The following ABCC1 variants were observed in gnomAD, a reference collection of about 807,000 sequenced individuals.
ABCC1 encodes multidrug resistance-associated protein 1.
A neutral mutation model predicts 172.9 loss-of-function variants in ABCC1; 83 were observed. That is an observed-to-expected ratio of 0.48 (90% CI 0.40 to 0.58). The LOEUF is 0.58. Ranked by LOEUF, ABCC1 falls within the 20% of genes least tolerant of loss-of-function variation. The probability of loss-of-function intolerance (pLI) is 0.00; values close to 1 mark genes in which losing one functional copy is unlikely to be tolerated. For synonymous variants in ABCC1, 937 were observed against 825.2 expected (o/e 1.14, Z -2.32); for missense variants, 1,817 against 2,002.7 (o/e 0.91, Z 1.77).
intron 1 of ABCC1, among the ~76,000 whole-genome samples, chr16:15,994,432 G>C (rs1033903614): frequency 3.3e-5 from 5 of 152,146 alleles, no homozygotes; most frequent in Non-Finnish European, 5.9e-5. Context: ...TGACTTTGTA[G>C]GGCTGTTGGA....
At chr16:15,992,664 G>A (rs1230744583) in intron 1 of ABCC1, among the ~76,000 whole-genome samples, 1 of 152,196 alleles carries the variant, frequency 6.6e-6, no homozygotes, top group Admixed American at 6.5e-5. Flanking sequence ...GCCTCCCAAA[G>A]TGCTGGGATT....
At chr16:16,099,352 G>T (rs933681496) in intron 19 of ABCC1, among the ~76,000 whole-genome samples, 1 of 152,236 alleles carries the variant, frequency 6.6e-6, no homozygotes, top group African/African-American at 2.4e-5. Flanking sequence ...TGCAGCAGGT[G>T]GTGGTGGGGA....
intron 1 of ABCC1, among the ~76,000 whole-genome samples, chr16:16,004,512 G>A (rs1029458933): frequency 1.3e-5 from 2 of 152,048 alleles, no homozygotes; most frequent in African/African-American, 2.4e-5. Context: ...GAGATGTCAT[G>A]CCTTCTCCAC....
chr16:16,104,398 C>A (rs540711921), intron 20 of ABCC1, among the ~76,000 whole-genome samples: 3 of 152,110 alleles, frequency 2.0e-5, no homozygotes, highest in Admixed American at 6.5e-5. Context: ...GAGCTAGATA[C>A]GTAAGTTCCC....
chr16:16,066,768 G>C (rs1040545622), intron 12 of ABCC1, among the ~76,000 whole-genome samples: 1 of 151,920 alleles, frequency 6.6e-6, no homozygotes, highest in Non-Finnish European at 1.5e-5. Context: ...GCTGGGCATG[G>C]TGGTGGGCGC....
Position 16,073,055 on chromosome 16 carries a change from A to AAAT in ABCC1, c.1912+1338_1912+1340dup, listed in dbSNP as rs1555493563. ...GACTTCATCTCAAAAAAAAAAAAAA[A>AAAT]AATAATAATAATAAATATTAATGGC... On this transcript the variant is annotated intron_variant, in intron 14 of 30. Coordinates refer to ENST00000399410, the MANE Select transcript of ABCC1 (RefSeq NM_004996.4). Among the ~76,000 whole-genome samples, 149 of 143,826 alleles carry AAAT rather than the reference A, an allele frequency of 1.0e-3. 4 individuals are homozygous for AAAT. The highest frequency in any genetic ancestry group is 1.6e-3 in the East Asian group (8 of 4,908). The allele number at this position is 143,826 out of a possible 152,430, so 94.4% of individuals were successfully genotyped here. A position where few individuals can be genotyped will look rare whatever the true frequency, so the allele number is the denominator to read the frequency against.
chr16:16,112,248 G>C (rs2044649179), intron 22 of ABCC1, among the ~76,000 whole-genome samples: 1 of 152,018 alleles, frequency 6.6e-6, no homozygotes, highest in Middle Eastern at 3.2e-3. Flanking sequence ...TGTGGTCTCA[G>C]CTACTTGGGC....
At chr16:16,103,978 C>G (rs753254993) in intron 20 of ABCC1, among the ~76,000 whole-genome samples, 1 of 152,068 alleles carries the variant, frequency 6.6e-6, no homozygotes, top group African/African-American at 2.4e-5. Flanking sequence ...TTCGTGGTCT[C>G]GCTGGCCTCA....
intron 3 of ABCC1, 86 bp from the exon 4 acceptor site, chr16:16,014,405 C>G: frequency 6.8e-7 from 1 of 1,479,742 alleles, no homozygotes; most frequent in Non-Finnish European, 9.1e-7. Context: ...TGAGATTGCA[C>G]CACTGCGCTC....
At chr16:16,106,695 A>G (rs759161415) in intron 20 of ABCC1, 43 bp from the exon 21 acceptor site, 5 of 1,612,204 alleles carry the variant, frequency 3.1e-6, no homozygotes, top group South Asian at 1.1e-5. Flanking sequence ...GACCCTGCCC[A>G]AGGCATCTGT....
At chr16:15,972,308 A>C (rs1325295627) in intron 1 of ABCC1, among the ~76,000 whole-genome samples, 2 of 152,304 alleles carry the variant, frequency 1.3e-5, no homozygotes, top group Middle Eastern at 3.4e-3. Flanking sequence ...TTAGGATTGC[A>C]TCTGGCTTCA....
At chr16:16,105,714 C>CTTTTTTT (rs71137912) in intron 20 of ABCC1, among the ~76,000 whole-genome samples, 6 of 130,390 alleles carry the variant, frequency 4.6e-5, no homozygotes, top group Non-Finnish European at 8.0e-5. Context: ...CTTTTCTTTT[C>CTTTTTTT]TTTTTTTTTT....
intron 5 of ABCC1, among the ~76,000 whole-genome samples, chr16:16,022,140 C>T (rs145501460): frequency 2.6e-5 from 4 of 152,306 alleles, no homozygotes; most frequent in African/African-American, 7.2e-5. Context: ...AGGCCTGGGG[C>T]GGCTGGGGTC....
At chr16:15,953,018 G>T (rs969725593) in intron 1 of ABCC1, among the ~76,000 whole-genome samples, 10 of 151,190 alleles carry the variant, frequency 6.6e-5, no homozygotes, top group African/African-American at 2.2e-4. Context: ...ACTCCAGTCT[G>T]GGCCACAGAC....
chr16:16,039,934 T>C (rs1567338737), intron 7 of ABCC1, among the ~76,000 whole-genome samples: 1 of 151,934 alleles, frequency 6.6e-6, no homozygotes, highest in Non-Finnish European at 1.5e-5. Context: ...AGGGAGGAGA[T>C]GAAGCAGGAG....
At chr16:16,070,005 CCTGGGCGA>C (rs1310514534) in intron 13 of ABCC1, among the ~76,000 whole-genome samples, 1 of 152,138 alleles carries the variant, frequency 6.6e-6, no homozygotes, top group Non-Finnish European at 1.5e-5. Flanking sequence ...TGCACTCCAG[CCTGGGCGA>C]CTGAGTGAGA....
intron 6 of ABCC1, among the ~76,000 whole-genome samples, chr16:16,034,792 T>A (rs960788728): frequency 3.9e-5 from 6 of 151,958 alleles, no homozygotes; most frequent in South Asian, 2.1e-4. Context: ...TTCACTGTGT[T>A]GTCCAGGCTG....
chr16:16,005,527 T>C (rs546251425), intron 1 of ABCC1, among the ~76,000 whole-genome samples: 5 of 152,242 alleles, frequency 3.3e-5, no homozygotes, highest in South Asian at 4.1e-4. Flanking sequence ...TTTTGTACTT[T>C]AGTAGAGATG....
At chr16:15,949,266 G>GGGCTCC (rs1296094782), upstream of ABCC1, among the ~76,000 whole-genome samples, 1 of 151,222 alleles carries the variant, frequency 6.6e-6, no homozygotes, top group African/African-American at 2.4e-5. Flanking sequence ...GGCAGGTAGG[G>GGGCTCC]GGCTCCGTTC....
Sources: allele counts gnomAD v4.1 joint callset (sites outside exome capture counted in the v4.1 genomes callset), GRCh38; gene constraint gnomAD v4.1.1; transcripts MANE v1.5; gene names NCBI Gene and HGNC (gene_info 2026-07-23, HGNC 2026-07-21).